SERPINC1: variants seen among roughly 807,000 people sequenced by gnomAD.
The protein encoded by SERPINC1 is antithrombin-III.
SERPINC1 carries 12 observed loss-of-function variants against 43.4 expected under a neutral mutation model. The ratio of observed to expected loss-of-function variants is 0.28; its 90% CI spans 0.18 to 0.45. The LOEUF is 0.45. Ranked by LOEUF, SERPINC1 falls within the 20% of genes least tolerant of loss-of-function variation. The probability of loss-of-function intolerance (pLI) is 1.00; values close to 1 mark genes in which losing one functional copy is unlikely to be tolerated. For missense variants in SERPINC1, 423 were observed against 578.8 expected (o/e 0.73, Z 2.76); for synonymous variants, 210 against 218.9 (o/e 0.96, Z 0.36).
At chr1:173,904,202 C>CTGGAGGGAATCCAA in intron 6 of SERPINC1, 137 bp from the exon 7 acceptor site, 1 of 790,474 alleles carries the variant, frequency 1.3e-6, no homozygotes, top group Non-Finnish European at 2.1e-6. Context: ...AGGTTGGATT[C>CTGGAGGGAATCCAA]CCTCCAGAAT....
At chr1:173,912,380 T>C (rs1484495890) in intron 2 of SERPINC1, among the ~76,000 whole-genome samples, 1 of 152,180 alleles carries the variant, frequency 6.6e-6, no homozygotes, top group Admixed American at 6.5e-5. Context: ...TTGTGGCATC[T>C]ACTGGGGCCA....
At chr1:173,916,493 G>A (rs1657994749) in intron 1 of SERPINC1, among the ~76,000 whole-genome samples, 1 of 152,250 alleles carries the variant, frequency 6.6e-6, no homozygotes, top group Non-Finnish European at 1.5e-5. Flanking sequence ...CAAGGGAGAT[G>A]TGGAAGGCAG....
At position 173,912,161 on chromosome 1, in the gene SERPINC1, A is replaced by C. The variant is rs1657798169; in HGVS notation, c.409-147T>G. ...AGTACCTGGGACAGCATAAATGCTC[A>C]ACTCTTGTGTTCTGATGAATAAAAG... On this transcript the variant is annotated intron_variant, in intron 2 of 6. Transcript: ENST00000367698. 4 of 706,702 alleles carry C rather than the reference A, an allele frequency of 5.7e-6. No homozygotes were observed. The South Asian group carries it at 6.0e-5, about 11-fold the overall frequency. The allele number at this position is 706,702 out of a possible 1,614,324, so 43.8% of individuals were successfully genotyped here.
intron 1 of SERPINC1, among the ~76,000 whole-genome samples, chr1:173,916,174 T>A (rs1657981934): frequency 6.6e-6 from 1 of 152,188 alleles, no homozygotes; most frequent in Non-Finnish European, 1.5e-5. Context: ...ATGAAGCAAA[T>A]CAAGAGATAA....
chr1:173,912,523 G>C (rs2102786814), intron 2 of SERPINC1, among the ~76,000 whole-genome samples: 1 of 152,302 alleles, frequency 6.6e-6, no homozygotes, highest in South Asian at 2.1e-4. Context: ...TCCATGCTTT[G>C]AAGTTGGAAT....
Position 173,909,910 on chromosome 1 carries a change from G to A in SERPINC1, c.795C>T (p.Asn265=), listed in dbSNP as rs1251910215. The A allele has an allele frequency of 2.5e-6, 4 of 1,614,144 alleles. No individual in the cohort carries two copies. The highest frequency in any genetic ancestry group is 1.1e-5 in the South Asian group (1 of 91,084). Residue 265 remains asparagine (N), a synonymous_variant, in exon 5 of 7, where the codon AAC becomes AAT. Transcript: ENST00000367698. ...GLWKSKFSPE[N]TRKELFYKAD... ...CCTTGTAGAACAGTTCCTTCCTTGT[G>A]TTCTCAGGGCTGAACTTTGACTTCC...
chr1:173,904,059 C>A lies in SERPINC1; in HGVS notation c.1225G>T (p.Glu409Ter). Residue 409 changes from glutamate to a stop codon, truncating the protein, a stop_gained, in exon 7 of 7, where the codon GAA becomes TAA. Transcript: ENST00000367698. LOFTEE classifies it high-confidence loss of function. ...AFHKAFLEVN[E>*]EGSEAAASTA... ...CTTGCAGCTGCTTCACTGCCTTCTTCATTTACCTGCAGGTCACATGGGAAA... is the reference window on the plus strand; with the variant it reads ...CTTGCAGCTGCTTCACTGCCTTCTTAATTTACCTGCAGGTCACATGGGAAA... The A allele has an allele frequency of 6.2e-7, 1 of 1,614,152 alleles. No homozygotes were observed. Among genetic ancestry groups the A allele is most frequent in the Non-Finnish European group, 8.5e-7 (1 of 1,179,990 alleles).
At chr1:173,910,587 A>G (rs1657727596) in intron 4 of SERPINC1, among the ~76,000 whole-genome samples, 167 bp downstream of exon 4, 2 of 152,092 alleles carry the variant, frequency 1.3e-5, no homozygotes, top group Admixed American at 6.5e-5. Context: ...TCAAAAATAA[A>G]TAAATAAATA....
intron 4 of SERPINC1, 103 bp downstream of exon 4, chr1:173,910,651 C>T (rs1657731466): frequency 1.9e-6 from 2 of 1,041,140 alleles, no homozygotes; most frequent in Admixed American, 3.9e-5. Context: ...TTCGGCAGTC[C>T]ATTTGCCCTC....
chr1:173,910,993 C>G, intron 3 of SERPINC1, 102 bp from the exon 4 acceptor site: 1 of 1,356,972 alleles, frequency 7.4e-7, no homozygotes. Flanking sequence ...TCTGTCCTTT[C>G]CCACCATTTG....
intron 6 of SERPINC1, among the ~76,000 whole-genome samples, chr1:173,907,082 T>G (rs1657548805): frequency 6.6e-6 from 1 of 151,508 alleles, no homozygotes; most frequent in East Asian, 1.9e-4. Flanking sequence ...ACCATTGCAC[T>G]CTAGCCTGGG....
At chr1:173,904,567 A>G (rs776216699) in intron 6 of SERPINC1, among the ~76,000 whole-genome samples, 4 of 152,236 alleles carry the variant, frequency 2.6e-5, no homozygotes, top group African/African-American at 7.2e-5. Flanking sequence ...TTGGAGTAAT[A>G]GACTGAAACA....
chr1:173,912,377 A>G (rs1204894017), intron 2 of SERPINC1, among the ~76,000 whole-genome samples: 1 of 152,198 alleles, frequency 6.6e-6, no homozygotes, highest in Non-Finnish European at 1.5e-5. Context: ...CTTTTGTGGC[A>G]TCTACTGGGG....
At chr1:173,910,198 C>A (rs911458675) in intron 4 of SERPINC1, among the ~76,000 whole-genome samples, 3 of 152,092 alleles carry the variant, frequency 2.0e-5, no homozygotes, top group Non-Finnish European at 4.4e-5. Flanking sequence ...ACATCCAGAC[C>A]AAATGTAATG....
At chr1:173,908,900 C>T (rs539868403) in intron 5 of SERPINC1, among the ~76,000 whole-genome samples, 1 of 152,276 alleles carries the variant, frequency 6.6e-6, no homozygotes, top group South Asian at 2.1e-4. Flanking sequence ...GGTGCGGTGG[C>T]TGACGCCTGT....
chr1:173,915,040 TA>T, intron 1 of SERPINC1, 121 bp from the exon 2 acceptor site: 1 of 1,533,992 alleles, frequency 6.5e-7, no homozygotes, highest in Non-Finnish European at 8.7e-7. Flanking sequence ...AGAGAAAGGC[TA>T]AATCCTTTGA....
chr1:173,917,124 G>A, intron 1 of SERPINC1, 95 bp downstream of exon 1: 1 of 1,035,958 alleles, frequency 9.7e-7, no homozygotes, highest in Non-Finnish European at 1.5e-6. Flanking sequence ...GAGAGGGCCT[G>A]GTCTTCTCAA....
intron 1 of SERPINC1, among the ~76,000 whole-genome samples, chr1:173,916,439 C>G (rs1451343605): frequency 6.6e-6 from 1 of 152,166 alleles, no homozygotes; most frequent in East Asian, 1.9e-4. Flanking sequence ...GTTCTGCAGC[C>G]CTTTCAAGAA....
At chr1:173,904,794 A>G (rs942181715) in intron 6 of SERPINC1, among the ~76,000 whole-genome samples, 13 of 151,626 alleles carry the variant, frequency 8.6e-5, no homozygotes, top group African/African-American at 2.4e-4. Context: ...CTTACCCGCT[A>G]TCTCCCCATA....
Sources: gnomAD v4.1 joint callset for allele counts (sites outside exome capture counted in the v4.1 genomes callset) on GRCh38, gnomAD v4.1.1 for gene constraint, MANE v1.5 for transcripts, NCBI Gene and HGNC (gene_info 2026-07-23, HGNC 2026-07-21) for gene names.